The following CERS6 variants were observed in gnomAD, a reference collection of about 807,000 sequenced individuals.
The protein encoded by CERS6 is LAG1 homolog, ceramide synthase 6.
A neutral mutation model predicts 56.8 loss-of-function variants in CERS6; 26 were observed. That is an observed-to-expected ratio of 0.46 (90% CI 0.34 to 0.63). The LOEUF is 0.63. CERS6 is among the 30% of genes least tolerant of loss of function. CERS6 has a pLI of 0.01. For synonymous variants in CERS6, 164 were observed against 173.3 expected (o/e 0.95, Z 0.42); for missense variants, 415 against 467.5 (o/e 0.89, Z 1.04).
chr2:168,547,604 C>G lies in CERS6; in HGVS notation c.179C>G (p.Ala60Gly). 1 of 1,611,884 alleles carries G rather than the reference C, an allele frequency of 6.2e-7. No homozygotes were observed. Residue 60 changes from alanine (A) to glycine (G), a missense_variant, in exon 2 of 10, where the codon GCC becomes GGC. Coordinates refer to ENST00000305747, the MANE Select transcript of CERS6 (RefSeq NM_203463.3). ...MVRLIFERFV[A>G]KPCAIALNIQ... Reference sequence around the variant, plus strand: ...CTTTTTGTAATTTTTAGATTTGTAGCCAAACCGTGCGCCATAGCCCTCAAC... The same window carrying G: ...CTTTTTGTAATTTTTAGATTTGTAGGCAAACCGTGCGCCATAGCCCTCAAC...
intron 6 of CERS6, among the ~76,000 whole-genome samples, chr2:168,712,357 T>C (rs1306866022): frequency 6.6e-6 from 1 of 152,218 alleles, no homozygotes; most frequent in African/African-American, 2.4e-5. Context: ...GGGAATGTTG[T>C]AGGATGGAGT....
chr2:168,571,989 G>T (rs1318331379), intron 3 of CERS6, among the ~76,000 whole-genome samples: 1 of 152,158 alleles, frequency 6.6e-6, no homozygotes, highest in African/African-American at 2.4e-5. Flanking sequence ...GGGTTCAACT[G>T]TGTAGAAAAG....
intron 3 of CERS6, among the ~76,000 whole-genome samples, chr2:168,603,286 A>G (rs940479278): frequency 6.6e-6 from 1 of 152,166 alleles, no homozygotes; most frequent in Non-Finnish European, 1.5e-5. Context: ...CAGCAGCCCC[A>G]TGGAATAACC....
At chr2:168,640,758 G>A (rs768730642) in intron 4 of CERS6, among the ~76,000 whole-genome samples, 2 of 152,174 alleles carry the variant, frequency 1.3e-5, no homozygotes, top group African/African-American at 2.4e-5. Flanking sequence ...GTTGCATTAA[G>A]GAGATGGGAC....
At chr2:168,476,118 G>C (rs969112435) in intron 1 of CERS6, among the ~76,000 whole-genome samples, 4 of 152,092 alleles carry the variant, frequency 2.6e-5, no homozygotes, top group Non-Finnish European at 5.9e-5. Context: ...AGTTGCAAAA[G>C]AGGTTAGCCT....
intron 4 of CERS6, among the ~76,000 whole-genome samples, chr2:168,660,658 A>G (rs1574138244): frequency 6.6e-6 from 1 of 152,114 alleles, no homozygotes; most frequent in East Asian, 1.9e-4. Flanking sequence ...TATGAGAAAA[A>G]CAATAGCAGT....
chr2:168,534,415 T>C (rs1208384396), intron 1 of CERS6, among the ~76,000 whole-genome samples: 1 of 151,960 alleles, frequency 6.6e-6, no homozygotes, highest in Admixed American at 6.5e-5. Context: ...GGCTTTTTTT[T>C]TTTTTTAATT....
chr2:168,512,672 T>C (rs1266078220), intron 1 of CERS6, among the ~76,000 whole-genome samples: 1 of 142,196 alleles, frequency 7.0e-6, no homozygotes, highest in African/African-American at 2.5e-5. Flanking sequence ...TTCTTTTCTT[T>C]TTTTTTTTTT....
rs1367671089 is a variant in CERS6, at chr2:168,715,109, T to A, written c.718T>A (p.Ser240Thr). The A allele has an allele frequency of 6.2e-7, 1 of 1,612,106 alleles. No homozygotes were observed. The highest frequency in any genetic ancestry group is 1.1e-5 in the South Asian group (1 of 90,616). Residue 240 changes from serine to threonine, a missense_variant, in exon 7 of 10, where the codon TCA becomes ACA. Physicochemically the swap from Ser to Thr is moderately conservative, Grantham distance 58. Transcript: ENST00000305747. ...VGTLVLCLHD[S>T]ADALLEAAKM... ...AACGCTGGTCCTTTGTCTTCATGAT[T>A]CAGCTGATGCTCTTCTGGAGGTAAA...
intron 1 of CERS6, among the ~76,000 whole-genome samples, chr2:168,508,356 G>A (rs1033065491): frequency 2.0e-5 from 3 of 152,158 alleles, no homozygotes; most frequent in South Asian, 2.1e-4. Context: ...TCTGTAAAAG[G>A]TTGGGTTAAT....
intron 1 of CERS6, among the ~76,000 whole-genome samples, chr2:168,459,994 A>G (rs1693749971): frequency 6.6e-6 from 1 of 152,100 alleles, no homozygotes; most frequent in African/African-American, 2.4e-5. Context: ...GAATCAGAAC[A>G]CTCAAATTCT....
intron 3 of CERS6, among the ~76,000 whole-genome samples, chr2:168,620,014 TACAC>T (rs1160024194): frequency 0.013 from 777 of 61,190 alleles, 10 homozygotes; most frequent in Middle Eastern, 0.033. Context: ...CCACAATCCA[TACAC>T]ACACACACAC....
intron 2 of CERS6, among the ~76,000 whole-genome samples, chr2:168,549,375 G>A (rs904076481): frequency 5.3e-5 from 8 of 152,144 alleles, no homozygotes; most frequent in Non-Finnish European, 8.8e-5. Flanking sequence ...GGTGGCTCAC[G>A]CCTGTAATGC....
intron 1 of CERS6, among the ~76,000 whole-genome samples, chr2:168,483,344 T>G (rs1336154012): frequency 6.6e-6 from 1 of 151,936 alleles, no homozygotes; most frequent in African/African-American, 2.4e-5. Context: ...GGAAGCTCTG[T>G]GTGCTTATTG....
At chr2:168,631,652 A>G (rs1334027857) in intron 4 of CERS6, among the ~76,000 whole-genome samples, 2 of 45,132 alleles carry the variant, frequency 4.4e-5, no homozygotes, top group Non-Finnish European at 8.5e-5. Context: ...TTATATTTAT[A>G]TTATATATAA....
intron 8 of CERS6, among the ~76,000 whole-genome samples, chr2:168,719,975 G>T (rs12999854): frequency 0.36 from 54,476 of 149,908 alleles, 12,380 homozygotes; most frequent in Non-Finnish European, 0.5. Context: ...TTTCCCTGTC[G>T]CCCAGGCTGG....
intron 3 of CERS6, among the ~76,000 whole-genome samples, chr2:168,607,687 G>A (rs1684086376): frequency 2.0e-5 from 3 of 152,054 alleles, no homozygotes; most frequent in Admixed American, 1.3e-4. Context: ...GCCAAAACTA[G>A]TATATCTTAA....
intron 4 of CERS6, among the ~76,000 whole-genome samples, chr2:168,652,748 T>C (rs1211144213): frequency 6.6e-6 from 1 of 152,142 alleles, no homozygotes; most frequent in Non-Finnish European, 1.5e-5. Context: ...CTGGGAAATC[T>C]GGCCCTTTCC....
At chr2:168,636,989 C>G (rs1043016719) in intron 4 of CERS6, among the ~76,000 whole-genome samples, 3 of 152,170 alleles carry the variant, frequency 2.0e-5, no homozygotes, top group East Asian at 3.9e-4. Context: ...ATTGCTTCGT[C>G]TCTAAAATCA....
Sources: gnomAD v4.1 joint callset for allele counts (sites outside exome capture counted in the v4.1 genomes callset) on GRCh38, gnomAD v4.1.1 for gene constraint, MANE v1.5 for transcripts, NCBI Gene and HGNC (gene_info 2026-07-23, HGNC 2026-07-21) for gene names.